SLC29A3: variants seen among roughly 807,000 people sequenced by gnomAD.
The protein encoded by SLC29A3 is solute carrier family 29 member 3, also known as equilibrative nucleoside transporter 3.
In SLC29A3, 18 loss-of-function variants were observed where a neutral mutation model predicts 25.4. The ratio of observed to expected loss-of-function variants is 0.71; its 90% CI spans 0.49 to 1.05. The LOEUF is 1.05. SLC29A3 is among the 50% of genes least tolerant of loss of function. The pLI is 0.00. For synonymous variants in SLC29A3, 258 were observed against 267.1 expected (o/e 0.97, Z 0.33); for missense variants, 586 against 609.0 (o/e 0.96, Z 0.40).
downstream of SLC29A3, chr10:71,365,008 C>T (rs780685): frequency 0.5 from 75,438 of 152,064 alleles, 19,854 homozygotes; most frequent in Middle Eastern, 0.62. Flanking sequence ...GCAGGCGGGC[C>T]ACCTGAGGTC....
chr10:71,371,945 C>T (rs1363444202), intron 3 of SLC29A3, among the ~76,000 whole-genome samples: 2 of 152,226 alleles, frequency 1.3e-5, no homozygotes, highest in African/African-American at 4.8e-5. Context: ...GCAGCAGGTC[C>T]TGCTGTTTCA....
chr10:71,355,808 C>T (rs894388903), intron 4 of SLC29A3, among the ~76,000 whole-genome samples: 4 of 152,148 alleles, frequency 2.6e-5, no homozygotes, highest in Non-Finnish European at 5.9e-5. Context: ...GACTGGTGGT[C>T]CCCTGAAGGC....
At chr10:71,353,083 T>C (rs1846806948) in intron 4 of SLC29A3, among the ~76,000 whole-genome samples, 1 of 152,204 alleles carries the variant, frequency 6.6e-6, no homozygotes, top group Non-Finnish European at 1.5e-5. Flanking sequence ...GTGCCAGACA[T>C]CACTGGTGGA....
At chr10:71,352,044 G>A (rs746464829) in intron 4 of SLC29A3, among the ~76,000 whole-genome samples, 2 of 152,184 alleles carry the variant, frequency 1.3e-5, no homozygotes, top group Non-Finnish European at 2.9e-5. Context: ...GGGGAGCGGA[G>A]GATCCAGTTC....
chr10:71,328,486 A>G (rs1846024900), intron 2 of SLC29A3, among the ~76,000 whole-genome samples: 2 of 152,174 alleles, frequency 1.3e-5, no homozygotes. Context: ...GCAGCGCTGC[A>G]GCACCCGTAG....
intron 5 of SLC29A3, among the ~76,000 whole-genome samples, chr10:71,357,916 G>A (rs1019572798): frequency 3.3e-5 from 5 of 152,248 alleles, no homozygotes; most frequent in South Asian, 2.1e-4. Context: ...TGCCAGGTGC[G>A]TTAGCCAGCA....
rs2131853424 is a variant in SLC29A3, at chr10:71,363,218, C to A, written c.*610C>A. The A allele has an allele frequency of 2.2e-6, 1 of 453,752 alleles. No individual in the cohort carries two copies. Among genetic ancestry groups the A allele is most frequent in the East Asian group, 6.9e-5 (1 of 14,390 alleles). The allele number at this position is 453,752 out of a possible 1,614,324, so 28.1% of individuals were successfully genotyped here. ...CTTCATTCCAGAGGGACCAGAGGGC[C>A]TCCCTGTGCAAGGGATCAAGCATGT... On this transcript the variant is annotated 3_prime_UTR_variant, in exon 6 of 6. Coordinates refer to ENST00000373189, the MANE Select transcript of SLC29A3 (RefSeq NM_018344.6).
At chr10:71,376,689 A>G (rs1847254245) in intron 4 of SLC29A3, among the ~76,000 whole-genome samples, 1 of 152,198 alleles carries the variant, frequency 6.6e-6, no homozygotes, top group Non-Finnish European at 1.5e-5. Context: ...GCCACCCAGG[A>G]GCATAGATTC....
chr10:71,330,898 A>G (rs563390902), intron 2 of SLC29A3, among the ~76,000 whole-genome samples: 1 of 151,360 alleles, frequency 6.6e-6, no homozygotes, highest in East Asian at 1.9e-4. Context: ...TAGGTTTATT[A>G]TACCCATTAT....
At chr10:71,354,347 G>A (rs1846840718) in intron 4 of SLC29A3, among the ~76,000 whole-genome samples, 1 of 152,164 alleles carries the variant, frequency 6.6e-6, no homozygotes, top group Admixed American at 6.5e-5. Context: ...AGCCAGGTTT[G>A]GACTCGGATG....
intron 2 of SLC29A3, among the ~76,000 whole-genome samples, chr10:71,330,264 C>T (rs1014600592): frequency 6.6e-6 from 1 of 152,176 alleles, no homozygotes; most frequent in African/African-American, 2.4e-5. Flanking sequence ...GTGATAGGGC[C>T]AACTGGGCTC....
At chr10:71,369,590 T>C (rs566331906) in intron 3 of SLC29A3, among the ~76,000 whole-genome samples, 1 of 152,126 alleles carries the variant, frequency 6.6e-6, no homozygotes, top group South Asian at 2.1e-4. Context: ...GCTAAGGAGA[T>C]CAGAGTAGAG....
intron 2 of SLC29A3, among the ~76,000 whole-genome samples, chr10:71,339,581 G>C (rs1050995249): frequency 2.1e-4 from 32 of 152,068 alleles, no homozygotes; most frequent in African/African-American, 7.7e-4. Flanking sequence ...CCCTCCTGTG[G>C]ATGGGATGGA....
chr10:71,358,950 G>A (rs550191824), intron 5 of SLC29A3, among the ~76,000 whole-genome samples: 42 of 152,070 alleles, frequency 2.8e-4, no homozygotes, highest in African/African-American at 9.4e-4. Flanking sequence ...TCACTCTGTC[G>A]CCCAGGTTGG....
In SLC29A3 at chr10:71,356,086, G is replaced by C. The variant is rs757759803; in HGVS notation, c.616G>C (p.Ala206Pro). The change falls in exon 5 of 6, where the codon GCC (alanine) becomes CCC (proline). Residue 206 changes from alanine to proline, a missense_variant. Physicochemically the swap from Ala to Pro is conservative, Grantham distance 27. Coordinates refer to ENST00000373189, the MANE Select transcript of SLC29A3 (RefSeq NM_018344.6). ...GTGTCCTCTGTTCTCTGCAGGAGGA[G>C]CCATGGGCGGGACGGTCAGCGCCGT... Reference protein sequence around the residue: ...RNSQALISGGAMGGTVSAVAS... With the variant: ...RNSQALISGGPMGGTVSAVAS... 3 of 1,613,948 alleles carry C rather than the reference G, an allele frequency of 1.9e-6. No homozygotes were observed. The highest frequency in any genetic ancestry group is 1.7e-4 in the Middle Eastern group (1 of 5,974).
At chr10:71,369,147 A>G (rs183019726) in intron 3 of SLC29A3, among the ~76,000 whole-genome samples, 6 of 152,318 alleles carry the variant, frequency 3.9e-5, no homozygotes, top group East Asian at 3.9e-4. Context: ...CCCTCTGTCA[A>G]CCAGGAAGCA....
At position 71,344,250 on chromosome 10, in the gene SLC29A3, C is replaced by T. The variant is rs964762446; in HGVS notation, c.342C>T (p.Pro114=). The T allele has an allele frequency of 7.4e-6, 12 of 1,614,068 alleles. No individual in the cohort carries two copies. In the Admixed American group the frequency reaches 2.0e-4, roughly 27 times the overall value. The change falls in exon 3 of 6, where the codon CCC becomes CCT. Residue 114 remains proline, a synonymous_variant. Coordinates refer to ENST00000373189, the MANE Select transcript of SLC29A3 (RefSeq NM_018344.6). ...ESYLAVASTV[P]SMLCLVANFL... Reference sequence around the variant, plus strand: ...ACCTTGCCGTTGCCTCCACCGTGCCCTCCATGCTGTGCCTGGTGGCCAACT... The same window carrying T: ...ACCTTGCCGTTGCCTCCACCGTGCCTTCCATGCTGTGCCTGGTGGCCAACT...
At chr10:71,377,788 G>T in intron 4 of SLC29A3, among the ~76,000 whole-genome samples, 1 of 152,350 alleles carries the variant, frequency 6.6e-6, no homozygotes, top group East Asian at 1.9e-4. Context: ...ACTCATATTT[G>T]TTGAGCACTT....
chr10:71,356,485 T>A (rs1382895222), intron 5 of SLC29A3, among the ~76,000 whole-genome samples: 1 of 152,196 alleles, frequency 6.6e-6, no homozygotes, highest in African/African-American at 2.4e-5. Flanking sequence ...CAACCCCTTA[T>A]TCCAGCGCTG....
Sources: allele counts gnomAD v4.1 joint callset (sites outside exome capture counted in the v4.1 genomes callset), GRCh38; gene constraint gnomAD v4.1.1; transcripts MANE v1.5; gene names NCBI Gene and HGNC (gene_info 2026-07-23, HGNC 2026-07-21).